The following SUSD4 variants were observed in gnomAD, a reference collection of about 807,000 sequenced individuals.
SUSD4 encodes the protein sushi domain containing 4, also known as sushi domain-containing protein 4.
SUSD4 carries 41 observed loss-of-function variants against 50.5 expected under a neutral mutation model. The ratio of observed to expected loss-of-function variants is 0.81; its 90% CI spans 0.63 to 1.05. The LOEUF (loss-of-function observed/expected upper bound fraction) is 1.05. Among genes scored for constraint, SUSD4 ranks in the 50% least tolerant of loss-of-function variants. The pLI, the probability that SUSD4 is intolerant of heterozygous loss-of-function variation, is 0.00. For missense variants in SUSD4, 580 were observed against 634.7 expected (o/e 0.91, Z 0.93); for synonymous variants, 257 against 257.3 (o/e 1.00, Z 0.01).
At chr1:223,259,130 T>C (rs1222736587) in intron 5 of SUSD4, among the ~76,000 whole-genome samples, 1 of 152,210 alleles carries the variant, frequency 6.6e-6, no homozygotes, top group Non-Finnish European at 1.5e-5. Flanking sequence ...CATTTGCCAC[T>C]GTTTGCACTG....
At chr1:223,330,868 C>A (rs1048229543) in intron 2 of SUSD4, among the ~76,000 whole-genome samples, 1 of 152,186 alleles carries the variant, frequency 6.6e-6, no homozygotes, top group Non-Finnish European at 1.5e-5. Context: ...AGGGCCTCCA[C>A]ATCACAGAAG....
At chr1:223,246,603 G>A (rs1478240834) in intron 5 of SUSD4, among the ~76,000 whole-genome samples, 6 of 152,066 alleles carry the variant, frequency 3.9e-5, no homozygotes, top group African/African-American at 1.4e-4. Flanking sequence ...ATGAGTGGAA[G>A]GAGGGGCTGG....
chr1:223,246,107 G>C (rs1660908305), intron 5 of SUSD4, among the ~76,000 whole-genome samples: 1 of 152,052 alleles, frequency 6.6e-6, no homozygotes, highest in African/African-American at 2.4e-5. Flanking sequence ...TCACATAAGG[G>C]GAGAGGGCAG....
chr1:223,289,228 C>G, intron 3 of SUSD4: 1 of 985,446 alleles, frequency 1.0e-6, no homozygotes, highest in Non-Finnish European at 1.2e-6. Context: ...GGGCCATAGA[C>G]ATTTTCACCC....
chr1:223,332,976 C>T lies in SUSD4; in HGVS notation c.148+30302G>A, dbSNP rs183309879. Among the ~76,000 whole-genome samples, 156 of 152,286 alleles carry T rather than the reference C, an allele frequency of 1.0e-3. No individual in the cohort carries two copies. Among genetic ancestry groups the T allele is most frequent in the African/African-American group, 3.2e-3 (133 of 41,558 alleles). On this transcript the variant is annotated intron_variant, in intron 2 of 8. Coordinates refer to ENST00000366878, the MANE Select transcript of SUSD4 (RefSeq NM_017982.4). This position sits in a 1 kb window ranked among gnomAD's most constrained non-coding sequence, Gnocchi z 4.0. The stretch of plus-strand genomic sequence containing the variant: ...CTGCCGCAACTGCACACCACACCCT[C>T]CTCTCCCACACAGTTGTCCTGGGGA...
At chr1:223,252,482 G>C (rs1661400724) in intron 5 of SUSD4, among the ~76,000 whole-genome samples, 1 of 151,950 alleles carries the variant, frequency 6.6e-6, no homozygotes, top group Non-Finnish European at 1.5e-5. Flanking sequence ...CTTTAAAAAT[G>C]TCAAGCAGAA....
chr1:223,340,967 G>A (rs1452104059), intron 2 of SUSD4, among the ~76,000 whole-genome samples: 5 of 152,196 alleles, frequency 3.3e-5, no homozygotes, highest in East Asian at 1.9e-4. Context: ...GTTAGGTGCC[G>A]ATTGTTCTAA....
At chr1:223,258,747 CCT>C (rs1220050098) in intron 5 of SUSD4, among the ~76,000 whole-genome samples, 4 of 152,088 alleles carry the variant, frequency 2.6e-5, no homozygotes, top group African/African-American at 9.7e-5. Context: ...GATGTATTCC[CCT>C]GTTTCGGAAA....
At chr1:223,275,153 G>A (rs1263837616) in intron 3 of SUSD4, among the ~76,000 whole-genome samples, 1 of 152,180 alleles carries the variant, frequency 6.6e-6, no homozygotes, top group African/African-American at 2.4e-5. Flanking sequence ...AGTGCTTAAC[G>A]GAATTCTGGG....
intron 5 of SUSD4, among the ~76,000 whole-genome samples, chr1:223,251,985 C>T (rs982355358): frequency 5.4e-5 from 8 of 147,054 alleles, no homozygotes; most frequent in African/African-American, 2.0e-4. Context: ...AACCAAACAC[C>T]GCATGTTCTC....
At chr1:223,268,003 C>T in intron 4 of SUSD4, among the ~76,000 whole-genome samples, 1 of 43,756 alleles carries the variant, frequency 2.3e-5, no homozygotes, top group East Asian at 1.3e-3. Flanking sequence ...TTCTGCTCTT[C>T]ATGCATTTTT....
chr1:223,310,510 CAACAACAAT>C (rs978445682), intron 2 of SUSD4, among the ~76,000 whole-genome samples: 9 of 151,946 alleles, frequency 5.9e-5, no homozygotes, highest in Admixed American at 5.9e-4. Flanking sequence ...GTTAACTAAA[CAACAACAAT>C]AAAAGAAATA....
intron 5 of SUSD4, among the ~76,000 whole-genome samples, chr1:223,251,602 A>G (rs1571886185): frequency 6.6e-6 from 1 of 152,250 alleles, no homozygotes; most frequent in Non-Finnish European, 1.5e-5. Flanking sequence ...TTATGGCTGC[A>G]TAGTATTTCA....
rs183963272 is a variant in SUSD4 at position 223,321,055 on chromosome 1, G to C, written c.149-28404C>G. On this transcript the variant is annotated intron_variant, in intron 2 of 8. Transcript: ENST00000366878. Reference sequence around the variant, plus strand: ...TCATGCCTCACCTGTCCAGACCAAAGAGTCCTAGTGTTCACAGGTGTCTTT... The same window carrying C: ...TCATGCCTCACCTGTCCAGACCAAACAGTCCTAGTGTTCACAGGTGTCTTT... 1.4e-3 allele frequency among the ~76,000 whole-genome samples: 214 copies of C among 152,232 alleles called. 2 individuals are homozygous for C. Among genetic ancestry groups the C allele is most frequent in the Non-Finnish European group, 2.5e-3 (173 of 68,026 alleles).
intron 2 of SUSD4, among the ~76,000 whole-genome samples, chr1:223,341,226 G>C (rs1300371917): frequency 6.6e-6 from 1 of 152,212 alleles, no homozygotes; most frequent in African/African-American, 2.4e-5. Flanking sequence ...CTATAACATG[G>C]GAACCCGAAA....
rs993216070 is a variant in SUSD4 at position 223,340,425 on chromosome 1, C to T, written c.148+22853G>A. ...CTTGGGGTGCAGAGCTGGGCCAGCA[C>T]TCCATGCTGCAGCTGCAATGAAAAA... On this transcript the variant is annotated intron_variant, in intron 2 of 8. Transcript: ENST00000366878. 5.2e-4 allele frequency among the ~76,000 whole-genome samples: 79 copies of T among 152,178 alleles called. 1 individual carries two copies. The highest frequency in any genetic ancestry group is 1.7e-3 in the African/African-American group (72 of 41,428).
chr1:223,236,542 C>G (rs1204315477), intron 5 of SUSD4, among the ~76,000 whole-genome samples: 1 of 150,536 alleles, frequency 6.6e-6, no homozygotes, highest in African/African-American at 2.5e-5. Context: ...AGGTCTGTGT[C>G]TAGCTTTTTT....
In SUSD4 at chr1:223,228,781, G is replaced by A. The variant is rs556043188; in HGVS notation, c.916+416C>T. Among the ~76,000 whole-genome samples, 16 of 152,158 alleles carry A rather than the reference G, an allele frequency of 1.1e-4. 1 individual carries two copies. The South Asian group carries it at 3.1e-3, about 30-fold the overall frequency. On this transcript the variant is annotated intron_variant, in intron 6 of 8. Coordinates refer to ENST00000366878, the MANE Select transcript of SUSD4 (RefSeq NM_017982.4). ...GCATCTAATTCTGGTCACACCCACA[G>A]GCCTGTGTCCTTACCAGTGGAAAAG...
chr1:223,347,283 A>G (rs1197039482), intron 2 of SUSD4, among the ~76,000 whole-genome samples: 1 of 152,194 alleles, frequency 6.6e-6, no homozygotes. Context: ...GTGCTATAAA[A>G]TACTAGGTCT....
Sources: allele counts gnomAD v4.1 joint callset (sites outside exome capture counted in the v4.1 genomes callset), GRCh38; gene constraint gnomAD v4.1.1; non-coding constraint Gnocchi (gnomAD v3.1); transcripts MANE v1.5; gene names NCBI Gene and HGNC (gene_info 2026-07-23, HGNC 2026-07-21).